ZNF483: variants seen among roughly 807,000 people sequenced by gnomAD.
ZNF483 encodes the protein zinc finger protein HIT-10.
A neutral mutation model predicts 28.6 loss-of-function variants in ZNF483; 9 were observed. The observed-to-expected ratio is 0.32, with a 90% CI of 0.19 to 0.55. The LOEUF (loss-of-function observed/expected upper bound fraction) is 0.55, where lower values mean the gene tolerates loss of function less well. Among genes scored for constraint, ZNF483 ranks in the 20% least tolerant of loss-of-function variants. ZNF483 has a pLI of 0.93. For missense variants in ZNF483, 675 were observed against 871.7 expected (o/e 0.77, Z 2.84); for synonymous variants, 322 against 306.2 (o/e 1.05, Z -0.54).
intron 5 of ZNF483, among the ~76,000 whole-genome samples, chr9:111,568,415 T>C (rs773731177): frequency 7.9e-5 from 12 of 152,044 alleles, no homozygotes; most frequent in Non-Finnish European, 1.6e-4. Context: ...CCTGGTAAAT[T>C]TGTGGTCAGA....
chr9:111,542,498 A>G lies in ZNF483; in HGVS notation c.1563A>G (p.Lys521=), dbSNP rs866464073. Residue 521 remains lysine, a synonymous_variant, in exon 6 of 6, where the codon AAA becomes AAG. Transcript: ENST00000309235. The surrounding 1 kb of genome is among the most constrained non-coding windows in gnomAD (Gnocchi z 6.2). Reference sequence around the variant, plus strand: ...ATCAGAGAATTCATACTGGAGAAAAACCTTATAAATGTAAAGACTGTGGGA... The same window carrying G: ...ATCAGAGAATTCATACTGGAGAAAAGCCTTATAAATGTAAAGACTGTGGGA... ...IKHQRIHTGE[K]PYKCKDCGRP... 2 of 1,614,116 alleles carry G rather than the reference A, an allele frequency of 1.2e-6. No individual in the cohort carries two copies. The highest frequency in any genetic ancestry group is 3.3e-4 in the Middle Eastern group (2 of 6,060).
chr9:111,566,480 C>T (rs942687124), intron 5 of ZNF483, among the ~76,000 whole-genome samples: 1 of 152,108 alleles, frequency 6.6e-6, no homozygotes, highest in African/African-American at 2.4e-5. Flanking sequence ...TGATCATTGG[C>T]CAGGGATTAG....
chr9:111,540,626 A>C (rs1230269546), intron 5 of ZNF483, among the ~76,000 whole-genome samples: 3 of 152,208 alleles, frequency 2.0e-5, no homozygotes, highest in African/African-American at 7.2e-5. Flanking sequence ...GGAGAGACTT[A>C]AAATGGATGC....
In ZNF483 at chr9:111,544,415, A is replaced by G. The variant is rs2132263638; in HGVS notation, c.*1245A>G. 1 of 967,028 alleles carries G rather than the reference A, an allele frequency of 1.0e-6. No individual in the cohort carries two copies. The highest frequency in any genetic ancestry group is 4.8e-5 in the South Asian group (1 of 20,952). 59.9% of individuals were successfully genotyped at this position (967,028 alleles called of 1,614,324 possible). A position where few individuals can be genotyped will look rare whatever the true frequency, so the allele number is the denominator to read the frequency against. ...ATCTAAAATTAGGGCATTTCATACT[A>G]AAAACAAAGCTTGTCTTAAAAAAAA... On this transcript the variant is annotated 3_prime_UTR_variant, in exon 6 of 6. Transcript: ENST00000309235.
intron 5 of ZNF483, among the ~76,000 whole-genome samples, chr9:111,572,946 AG>A (rs1298000463): frequency 2.0e-5 from 3 of 152,074 alleles, no homozygotes; most frequent in Non-Finnish European, 4.4e-5. Flanking sequence ...AGAGCAAAAA[AG>A]CATATGTAGC....
downstream of ZNF483, among the ~76,000 whole-genome samples, chr9:111,555,517 C>T (rs1349422526): frequency 6.6e-6 from 1 of 152,126 alleles, no homozygotes; most frequent in Non-Finnish European, 1.5e-5. Context: ...TAAGGAACTA[C>T]CTGAGACTGG....
At chr9:111,533,644 G>A (rs758430048) in intron 3 of ZNF483, 95 bp from the exon 4 acceptor site, 8 of 1,292,820 alleles carry the variant, frequency 6.2e-6, no homozygotes, top group East Asian at 5.6e-5. Context: ...ACTCTAACAC[G>A]GGCGACAGAG....
At chr9:111,535,545 G>A (rs371158641) in intron 5 of ZNF483, among the ~76,000 whole-genome samples, 5 of 152,218 alleles carry the variant, frequency 3.3e-5, no homozygotes, top group East Asian at 1.9e-4. Flanking sequence ...GAAGAATTAG[G>A]TTTTGTTTTG....
Position 111,542,305 on chromosome 9 carries a change from A to G in ZNF483, c.1370A>G (p.His457Arg), listed in dbSNP as rs770950126. 12 of 1,614,084 alleles carry G rather than the reference A, an allele frequency of 7.4e-6. No individual in the cohort carries two copies. Among genetic ancestry groups the G allele is most frequent in the Admixed American group, 1.7e-5 (1 of 60,006 alleles). The change falls in exon 6 of 6, where the codon CAT becomes CGT. Residue 457 changes from histidine (H) to arginine (R), a missense_variant. Physicochemically the swap from His to Arg is conservative, Grantham distance 29. Coordinates refer to ENST00000309235, the MANE Select transcript of ZNF483 (RefSeq NM_133464.5). The surrounding 1 kb of genome is among the most constrained non-coding windows in gnomAD (Gnocchi z 6.2). ...GGCTATAGCGCCTCACTCACCAAAC[A>G]TCGGAGAATTCACACTGGAGAAAAA... ...AFGYSASLTK[H>R]RRIHTGEKPY...
chr9:111,534,396 T>C, intron 5 of ZNF483, 43 bp downstream of exon 5: 4 of 1,533,258 alleles, frequency 2.6e-6, no homozygotes, highest in Middle Eastern at 1.7e-4. Context: ...AGCAGTTGTT[T>C]AGCAAGTCTG....
chr9:111,542,228 A>C lies in ZNF483; in HGVS notation c.1293A>C (p.Gly431=). The change falls in exon 6 of 6, where the codon GGA becomes GGC. Residue 431 remains glycine, a synonymous_variant. Transcript: ENST00000309235. The surrounding 1 kb of genome is among the most constrained non-coding windows in gnomAD (Gnocchi z 6.2). ...AAGCAGCCTTAAATAAAGATGAGGG[A>C]AATGAGAGTGGAGAAAAAACTCATA... is the stretch of plus-strand genomic sequence containing the variant. ...CQEAALNKDE[G]NESGEKTHKC... 6.2e-7 allele frequency: 1 copy of C among 1,614,154 alleles called. No homozygotes were observed. Among genetic ancestry groups the C allele is most frequent in the Non-Finnish European group, 8.5e-7 (1 of 1,180,038 alleles).
At position 111,534,291 on chromosome 9, in the gene ZNF483, C is replaced by T. The variant is rs759118960; in HGVS notation, c.659C>T (p.Ser220Phe). The part of the protein sequence containing the change: ...DFPVSKLELI[S>F]QLKWVELPWL... ...CCAGTTTCAAAATTAGAGTTGATTT[C>T]CCAGCTAAAGTGGGTTGAATTGCCA... Residue 220 changes from serine to phenylalanine, a missense_variant, in exon 5 of 6, where the codon TCC becomes TTC. By Grantham distance (155) the Ser-to-Phe change is radical. This residue lies in a region of ZNF483 where 525 missense variants were observed against 581.8 expected (regional missense o/e 0.90). Coordinates refer to ENST00000309235, the MANE Select transcript of ZNF483 (RefSeq NM_133464.5). 6.2e-7 allele frequency: 1 copy of T among 1,614,020 alleles called. No individual in the cohort carries two copies. The highest frequency in any genetic ancestry group is 2.2e-5 in the East Asian group (1 of 44,878).
intron 5 of ZNF483, among the ~76,000 whole-genome samples, chr9:111,572,043 G>A (rs1266450905): frequency 6.6e-6 from 1 of 152,220 alleles, no homozygotes; most frequent in Non-Finnish European, 1.5e-5. Context: ...CAAGTTCCAG[G>A]AAGTCAGGCG....
chr9:111,574,950 A>C, intron 5 of ZNF483: 1 of 834,420 alleles, frequency 1.2e-6, no homozygotes, highest in East Asian at 2.8e-5. Flanking sequence ...GCAGCAACAA[A>C]ACTGACTGAA....
intron 5 of ZNF483, among the ~76,000 whole-genome samples, chr9:111,561,203 AAGAGTAT>A (rs1828312226): frequency 7.0e-6 from 1 of 142,658 alleles, no homozygotes; most frequent in African/African-American, 2.7e-5. Context: ...CTTCCTGTCC[AAGAGTAT>A]GGTACCTTTC....
intron 5 of ZNF483, 109 bp from the exon 6 acceptor site, chr9:111,541,548 C>A: frequency 2.5e-6 from 2 of 802,126 alleles, no homozygotes; most frequent in Non-Finnish European, 3.6e-6. Context: ...TTTTGAGAAC[C>A]ATCGAAACTA....
chr9:111,531,534 G>T (rs1380189660), intron 3 of ZNF483, among the ~76,000 whole-genome samples: 1 of 151,992 alleles, frequency 6.6e-6, no homozygotes, highest in Non-Finnish European at 1.5e-5. Context: ...CTGCCACCAT[G>T]CCCGGCTAAT....
In ZNF483 at chr9:111,554,356, C is replaced by T. The variant is rs1457054122; in HGVS notation, c.*11186C>T. Among the ~76,000 whole-genome samples the T allele has an allele frequency of 6.6e-6, 1 of 152,172 alleles. No homozygotes were observed. Among genetic ancestry groups the T allele is most frequent in the African/African-American group, 2.4e-5 (1 of 41,444 alleles). On this transcript the variant is annotated 3_prime_UTR_variant, in exon 6 of 6. Coordinates refer to ENST00000309235, the MANE Select transcript of ZNF483 (RefSeq NM_133464.5). ...CCAGAGATCAATCATATAACCCTAACCTAACTTAAAGGGAGGCTTGAAATA... is the reference window on the plus strand; with the variant it reads ...CCAGAGATCAATCATATAACCCTAATCTAACTTAAAGGGAGGCTTGAAATA...
At position 111,547,665 on chromosome 9, in the gene ZNF483, A is replaced by G. The variant is rs1827836924; in HGVS notation, c.*4495A>G. ...AATTTTGGTGAAGTTTAATTTTTCT[A>G]TTTTTTCTTTTGTTTCCTGTGCTTT... On this transcript the variant is annotated 3_prime_UTR_variant, in exon 6 of 6. Transcript: ENST00000309235. 6.6e-6 allele frequency among the ~76,000 whole-genome samples: 1 copy of G among 151,920 alleles called. No homozygotes were observed. Among genetic ancestry groups the G allele is most frequent in the Non-Finnish European group, 1.5e-5 (1 of 67,948 alleles).
Sources: allele counts gnomAD v4.1 joint callset (sites outside exome capture counted in the v4.1 genomes callset), GRCh38; gene constraint gnomAD v4.1.1; regional missense constraint gnomAD v4.1.1; non-coding constraint Gnocchi (gnomAD v3.1); transcripts MANE v1.5; gene names NCBI Gene and HGNC (gene_info 2026-07-23, HGNC 2026-07-21).